The following FILIP1L variants were observed in gnomAD, a reference collection of about 807,000 sequenced individuals.
FILIP1L encodes filamin A-interacting protein 1-like.
FILIP1L carries 55 observed loss-of-function variants against 96.6 expected under a neutral mutation model. The observed-to-expected ratio is 0.57, with a 90% CI of 0.46 to 0.71. The LOEUF is 0.71. Ranked by LOEUF, FILIP1L falls within the 30% of genes least tolerant of loss-of-function variation. The pLI is 0.00. For missense variants in FILIP1L, 1,304 were observed against 1,321.2 expected, an observed-to-expected ratio of 0.99 and a Z score of 0.20; for synonymous variants, 467 against 473.9, an observed-to-expected ratio of 0.99 and a Z score of 0.19.
chr3:99,898,591 A>C (rs1706334926), intron 4 of FILIP1L: 1 of 180,248 alleles, frequency 5.5e-6, no homozygotes, highest in East Asian at 1.8e-4. Flanking sequence ...ACATGGTGAA[A>C]CTCTGTCTCT....
At chr3:99,984,062 G>GTGTGTGTGTGTGTGTT (rs1553702843) in intron 1 of FILIP1L, among the ~76,000 whole-genome samples, 8 of 151,618 alleles carry the variant, frequency 5.3e-5, no homozygotes, top group African/African-American at 1.9e-4. Flanking sequence ...ATGTGTGTTT[G>GTGTGTGTGTGTGTGTT]TGTGTGTGTG....
intron 1 of FILIP1L, among the ~76,000 whole-genome samples, chr3:99,977,721 T>C (rs550383901): frequency 6.6e-6 from 1 of 152,262 alleles, no homozygotes; most frequent in East Asian, 1.9e-4. Context: ...GAGAATGGAA[T>C]CATTTGGATG....
At chr3:100,033,776 A>G (rs1196218930) in intron 1 of FILIP1L, among the ~76,000 whole-genome samples, 1 of 152,146 alleles carries the variant, frequency 6.6e-6, no homozygotes, top group African/African-American at 2.4e-5. Flanking sequence ...GCTCCTCTAA[A>G]TTTTATTCTT....
intron 1 of FILIP1L, among the ~76,000 whole-genome samples, chr3:100,003,646 C>T (rs1038779630): frequency 6.6e-6 from 1 of 152,022 alleles, no homozygotes; most frequent in East Asian, 1.9e-4. Context: ...TTTGTGTACT[C>T]GAGAAGTTTT....
At chr3:99,936,175 AAATCATTTTTGGT>A (rs1707659790) in intron 1 of FILIP1L, among the ~76,000 whole-genome samples, 1 of 152,082 alleles carries the variant, frequency 6.6e-6, no homozygotes, top group Non-Finnish European at 1.5e-5. Context: ...CTCAAAAAAG[AAATCATTTTTGGT>A]CTTGGTCATT....
intron 1 of FILIP1L, among the ~76,000 whole-genome samples, chr3:100,090,424 T>C (rs755577806): frequency 5.3e-5 from 8 of 152,216 alleles, no homozygotes; most frequent in Non-Finnish European, 7.3e-5. Flanking sequence ...CTCTACCTTA[T>C]AACATTTTCT....
chr3:100,000,588 G>A (rs1020818551), intron 1 of FILIP1L, among the ~76,000 whole-genome samples: 1 of 152,210 alleles, frequency 6.6e-6, no homozygotes, highest in African/African-American at 2.4e-5. Flanking sequence ...AGTAGCTTAT[G>A]GCTGTAATTC....
At chr3:99,988,529 A>G (rs1709421389) in intron 1 of FILIP1L, among the ~76,000 whole-genome samples, 1 of 148,500 alleles carries the variant, frequency 6.7e-6, no homozygotes, top group Non-Finnish European at 1.5e-5. Context: ...AAAAAAAAAA[A>G]AGAAAGAAAA....
intron 1 of FILIP1L, among the ~76,000 whole-genome samples, chr3:100,098,610 T>G: frequency 6.6e-6 from 1 of 152,194 alleles, no homozygotes; most frequent in Non-Finnish European, 1.5e-5. Context: ...TGCAAGGAAG[T>G]TATTTTTGTG....
At chr3:99,955,645 G>A (rs1172209149) in intron 1 of FILIP1L, among the ~76,000 whole-genome samples, 1 of 152,128 alleles carries the variant, frequency 6.6e-6, no homozygotes, top group East Asian at 1.9e-4. Context: ...CGTTAGTCTT[G>A]CCTATCAAAC....
intron 1 of FILIP1L, among the ~76,000 whole-genome samples, chr3:100,073,782 C>T (rs1470414780): frequency 1.3e-5 from 2 of 152,132 alleles, no homozygotes; most frequent in African/African-American, 4.8e-5. Context: ...TGTTTGATTC[C>T]TCTGTGGGTC....
intron 1 of FILIP1L, among the ~76,000 whole-genome samples, chr3:100,021,900 G>C (rs931167687): frequency 8.3e-5 from 12 of 144,244 alleles, no homozygotes; most frequent in Non-Finnish European, 1.7e-4. Flanking sequence ...AGAATAGCTT[G>C]GATGCTAGAT....
At chr3:100,082,687 C>G (rs748530100) in intron 1 of FILIP1L, among the ~76,000 whole-genome samples, 13 of 152,100 alleles carry the variant, frequency 8.5e-5, no homozygotes, top group Admixed American at 2.6e-4. Context: ...ATTTAGGAAG[C>G]CTTTATAGAT....
At chr3:99,856,710 A>G (rs1943983275) in intron 4 of FILIP1L, among the ~76,000 whole-genome samples, 1 of 152,216 alleles carries the variant, frequency 6.6e-6, no homozygotes. Flanking sequence ...CTTTGGTACT[A>G]ACCATAATTC....
At chr3:100,103,848 G>C (rs891748301) in intron 1 of FILIP1L, among the ~76,000 whole-genome samples, 1 of 152,204 alleles carries the variant, frequency 6.6e-6, no homozygotes. Flanking sequence ...TCTATGCCCT[G>C]TGTGTTGGCA....
chr3:99,988,341 C>CAAAAAA (rs63321762), intron 1 of FILIP1L, among the ~76,000 whole-genome samples: 1 of 62,328 alleles, frequency 1.6e-5, no homozygotes, highest in Admixed American at 2.0e-4. Context: ...ACTAAAAATC[C>CAAAAAA]AAAAAAAAAA....
intron 1 of FILIP1L, among the ~76,000 whole-genome samples, chr3:100,014,087 C>T (rs1710247055): frequency 6.6e-6 from 1 of 151,516 alleles, no homozygotes; most frequent in African/African-American, 2.4e-5. Flanking sequence ...TCTCTCTGTC[C>T]CTGGCTTATT....
chr3:99,928,039 A>C (rs542486541), intron 3 of FILIP1L, among the ~76,000 whole-genome samples: 1 of 152,368 alleles, frequency 6.6e-6, no homozygotes, highest in Non-Finnish European at 1.5e-5. Flanking sequence ...ATTATGAAGA[A>C]AATAAAAGGG....
At position 99,850,550 on chromosome 3, in the gene FILIP1L, T is replaced by C. The variant is rs1002188910; in HGVS notation, c.1126A>G (p.Arg376Gly). The change falls in exon 5 of 6, where the codon AGG becomes GGG. Residue 376 changes from arginine (R) to glycine (G), a missense_variant. Arg to Gly is a moderately radical substitution (Grantham distance 125, BLOSUM62 -2). Coordinates refer to ENST00000477258, the MANE Select transcript of FILIP1L (RefSeq NM_001387850.1). The part of the protein sequence containing the change: ...AGIMAEVEEL[R>G]KRVLDMEGKD... ...CCTTCCATATCTAGCACACGTTTCC[T>C]GAGCTCTTCCACTTCAGCCATGATA... The C allele has an allele frequency of 6.2e-7, 1 of 1,613,834 alleles. No homozygotes were observed. The highest frequency in any genetic ancestry group is 8.5e-7 in the Non-Finnish European group (1 of 1,179,972).
Sources: gnomAD v4.1 joint callset for allele counts (sites outside exome capture counted in the v4.1 genomes callset) on GRCh38, gnomAD v4.1.1 for gene constraint, MANE v1.5 for transcripts, NCBI Gene and HGNC (gene_info 2026-07-23, HGNC 2026-07-21) for gene names.